HSPA4L: variants seen among roughly 807,000 people sequenced by gnomAD.
The protein encoded by HSPA4L is heat shock 70 kDa protein 4L.
A neutral mutation model predicts 100.3 loss-of-function variants in HSPA4L; 48 were observed. The observed-to-expected ratio is 0.48, with a 90% CI of 0.38 to 0.61. HSPA4L has a LOEUF of 0.61. HSPA4L is among the 20% of genes least tolerant of loss of function. The pLI is 0.00. For missense variants in HSPA4L, 886 were observed against 988.6 expected (o/e 0.90, Z 1.39); for synonymous variants, 319 against 328.2 (o/e 0.97, Z 0.30).
rs1733275515 is a variant in HSPA4L, at chr4:127,804,031, G to C, written c.929G>C (p.Cys310Ser). The change falls in exon 8 of 19, where the codon TGT (cysteine) becomes TCT (serine). Residue 310 changes from cysteine (C) to serine (S), a missense_variant. Transcript: ENST00000296464. ...CACAGGGCTCAATTTGAACAACTGTGTGCTTCCCTTTTGGCCAGGGTTGAA... is the reference window on the plus strand; with the variant it reads ...CACAGGGCTCAATTTGAACAACTGTCTGCTTCCCTTTTGGCCAGGGTTGAA... ...KMNRAQFEQL[C>S]ASLLARVEPP... The C allele has an allele frequency of 6.2e-7, 1 of 1,613,918 alleles. No individual in the cohort carries two copies. Among genetic ancestry groups the C allele is most frequent in the African/African-American group, 1.3e-5 (1 of 74,906 alleles).
intron 6 of HSPA4L, among the ~76,000 whole-genome samples, chr4:127,803,411 G>C (rs973133668): frequency 3.3e-5 from 5 of 152,018 alleles, no homozygotes; most frequent in African/African-American, 1.2e-4. Context: ...ATGATATATG[G>C]ATCTGTAACT....
rs1734198851 is a variant in HSPA4L at position 127,836,002 on chromosome 4, G to A, written c.*3128G>A. The A allele has an allele frequency of 6.6e-6, 1 of 151,946 alleles. No homozygotes were observed. The highest frequency in any genetic ancestry group is 1.5e-5 in the Non-Finnish European group (1 of 68,302). The allele number at this position is 151,946 out of a possible 1,614,324, so 9.4% of individuals were successfully genotyped here. The stretch of plus-strand genomic sequence containing the variant: ...GAGGCTGAGGTGGAGGATCACTTAA[G>A]CCTGAGAGGTCAAGGTTGCAATGAG... On this transcript the variant is annotated 3_prime_UTR_variant, in exon 19 of 19. Transcript: ENST00000296464.
chr4:127,818,102 A>G (rs1733719129), intron 12 of HSPA4L, among the ~76,000 whole-genome samples: 1 of 151,962 alleles, frequency 6.6e-6, no homozygotes, highest in South Asian at 2.1e-4. Flanking sequence ...TTACTTAGCC[A>G]TAGATAAACA....
Position 127,803,610 on chromosome 4 carries a change from T to G in HSPA4L, c.664-19T>G. ...ATCTATATTTCTGAAAATACAGTTC[T>G]GCTTTTTCAATTAAACAGGTCTTGG... On this transcript the variant is annotated intron_variant, in intron 6 of 18. Coordinates refer to ENST00000296464, the MANE Select transcript of HSPA4L (RefSeq NM_014278.4). 1.3e-6 allele frequency: 2 copies of G among 1,547,652 alleles called. No individual in the cohort carries two copies.
Position 127,838,052 on chromosome 4 carries a change from A to G in HSPA4L, c.*5178A>G, listed in dbSNP as rs1330718203. 1 of 152,132 alleles carries G rather than the reference A, an allele frequency of 6.6e-6. No homozygotes were observed. Among genetic ancestry groups the G allele is most frequent in the Non-Finnish European group, 1.5e-5 (1 of 68,034 alleles). The allele number at this position is 152,132 out of a possible 1,614,324, so 9.4% of individuals were successfully genotyped here. ...TCCTGACTTCAAATGATCCACCCAC[A>G]TCCACCTGCCAGAGTGCTGAGATTA... On this transcript the variant is annotated 3_prime_UTR_variant, in exon 19 of 19. Transcript: ENST00000296464.
chr4:127,806,867 TCAGC>T (rs1733374663), intron 10 of HSPA4L, among the ~76,000 whole-genome samples: 1 of 152,022 alleles, frequency 6.6e-6, no homozygotes, highest in African/African-American at 2.4e-5. Context: ...ATATGGATTT[TCAGC>T]CTTATCTGAA....
rs1449785045 is a variant in HSPA4L, at chr4:127,839,761, T to G, written c.*6887T>G. ...AAGGAAGCTTTAAAATGTTGTATTT[T>G]TTCCCTGAAATAAACTTTTATGATT... On this transcript the variant is annotated 3_prime_UTR_variant, in exon 19 of 19. Coordinates refer to ENST00000296464, the MANE Select transcript of HSPA4L (RefSeq NM_014278.4). The G allele has an allele frequency of 1.3e-5, 2 of 152,144 alleles. No individual in the cohort carries two copies. Among genetic ancestry groups the G allele is most frequent in the Non-Finnish European group, 2.9e-5 (2 of 68,022 alleles). The allele number at this position is 152,144 out of a possible 1,614,324, so 9.4% of individuals were successfully genotyped here.
chr4:127,818,693 G>A (rs1255104051), intron 13 of HSPA4L, among the ~76,000 whole-genome samples: 2 of 150,932 alleles, frequency 1.3e-5, no homozygotes, highest in Non-Finnish European at 1.5e-5. Flanking sequence ...GAGAACACAC[G>A]GACACATAGA....
Position 127,782,793 on chromosome 4 carries a change from G to A in HSPA4L, c.107+136G>A, listed in dbSNP as rs1732601131. 1.6e-5 allele frequency: 10 copies of A among 622,236 alleles called. No individual in the cohort carries two copies. The East Asian group carries it at 1.8e-4, about 11-fold the overall frequency. The allele number at this position is 622,236 out of a possible 1,614,324, so 38.5% of individuals were successfully genotyped here. On this transcript the variant is annotated intron_variant, in intron 1 of 18. Coordinates refer to ENST00000296464, the MANE Select transcript of HSPA4L (RefSeq NM_014278.4). The stretch of plus-strand genomic sequence containing the variant: ...AACCCCGAGATGACAGGTGCAACCC[G>A]TCAACCGCAGTCCCTAGAGACCGCC...
rs997272540 is a variant in HSPA4L, at chr4:127,820,580, G to A, written c.1812+15G>A. 4 of 1,586,892 alleles carry A rather than the reference G, an allele frequency of 2.5e-6. No homozygotes were observed. Among genetic ancestry groups the A allele is most frequent in the Admixed American group, 3.8e-5 (2 of 52,920 alleles). ...TTGAAAATGAGGTATGTAAATCTGA[G>A]TTGATGCTGAAATAGGTGGTAGTTT... On this transcript the variant is annotated intron_variant, in intron 14 of 18. Transcript: ENST00000296464.
At position 127,808,149 on chromosome 4, in the gene HSPA4L, T is replaced by C; in HGVS notation, c.1378+20T>C. The C allele has an allele frequency of 6.3e-7, 1 of 1,576,188 alleles. No homozygotes were observed. Among genetic ancestry groups the C allele is most frequent in the Non-Finnish European group, 8.6e-7 (1 of 1,166,806 alleles). ...GAATTGGTAAGATAAAAAAAAGTTC[T>C]CCATAACATTTTGGCCTTTTATAAA... On this transcript the variant is annotated intron_variant, in intron 11 of 18. Transcript: ENST00000296464.
At chr4:127,786,566 A>G (rs1291332771) in intron 1 of HSPA4L, among the ~76,000 whole-genome samples, 3 of 152,176 alleles carry the variant, frequency 2.0e-5, no homozygotes, top group Admixed American at 2.0e-4. Context: ...CCTGGGCTCA[A>G]AGGATCCTCC....
chr4:127,805,196 A>C lies in HSPA4L; in HGVS notation c.1109A>C (p.Glu370Ala). 2 of 1,609,400 alleles carry C rather than the reference A, an allele frequency of 1.2e-6. No individual in the cohort carries two copies. The highest frequency in any genetic ancestry group is 1.7e-6 in the Non-Finnish European group (2 of 1,178,206). The change falls in exon 9 of 19, where the codon GAA becomes GCA. Residue 370 changes from glutamate to alanine, a missense_variant. Transcript: ENST00000296464. ...KDISTTLNAD[E>A]AVARGCALQC... ...ATAAGTACCACATTAAATGCTGATGAAGCTGTTGCAAGAGGATGTGCGTTA... is the reference window on the plus strand; with the variant it reads ...ATAAGTACCACATTAAATGCTGATGCAGCTGTTGCAAGAGGATGTGCGTTA...
upstream of HSPA4L, chr4:127,782,243 G>T: frequency 2.5e-6 from 1 of 402,820 alleles, no homozygotes; most frequent in Non-Finnish European, 4.6e-6. Context: ...GGCGCGGAGC[G>T]GAGGCTCGCG....
chr4:127,823,579 G>T lies in HSPA4L; in HGVS notation c.2001G>T (p.Glu667Asp), dbSNP rs370559089. 1 of 1,613,512 alleles carries T rather than the reference G, an allele frequency of 6.2e-7. No individual in the cohort carries two copies. The highest frequency in any genetic ancestry group is 1.3e-5 in the African/African-American group (1 of 74,892). ...DTENWLYEDG[E>D]DQPKQVYVDK... ...AAAATTGGCTTTATGAAGACGGAGAGGACCAACCTAAACAAGTTTATGTGG... is the reference window on the plus strand; with the variant it reads ...AAAATTGGCTTTATGAAGACGGAGATGACCAACCTAAACAAGTTTATGTGG... Residue 667 changes from glutamate (E) to aspartate (D), a missense_variant, in exon 16 of 19, where the codon GAG becomes GAT. Coordinates refer to ENST00000296464, the MANE Select transcript of HSPA4L (RefSeq NM_014278.4).
At chr4:127,813,322 T>A in intron 12 of HSPA4L, 1 of 640,496 alleles carries the variant, frequency 1.6e-6, no homozygotes, top group South Asian at 1.8e-5. Flanking sequence ...TTACTATGCA[T>A]CTTTCTTCCA....
At chr4:127,830,351 C>T (rs1734048044) in intron 17 of HSPA4L, among the ~76,000 whole-genome samples, 1 of 152,066 alleles carries the variant, frequency 6.6e-6, no homozygotes, top group African/African-American at 2.4e-5. Context: ...ATTCCATTTC[C>T]TTGCAACTTC....
chr4:127,813,100 T>A, intron 12 of HSPA4L: 1 of 1,260,468 alleles, frequency 7.9e-7, no homozygotes, highest in South Asian at 1.2e-5. Flanking sequence ...ACCTTTCTTA[T>A]AGATTCGCAT....
intron 15 of HSPA4L, among the ~76,000 whole-genome samples, chr4:127,823,284 G>A (rs1733860936): frequency 6.6e-6 from 1 of 152,088 alleles, no homozygotes; most frequent in Non-Finnish European, 1.5e-5. Flanking sequence ...AAGTAGATGG[G>A]AATACAGGCA....
Sources: gnomAD v4.1 joint callset for allele counts (sites outside exome capture counted in the v4.1 genomes callset) on GRCh38, gnomAD v4.1.1 for gene constraint, MANE v1.5 for transcripts, NCBI Gene and HGNC (gene_info 2026-07-23, HGNC 2026-07-21) for gene names.